The following SYT16 variants were observed in gnomAD, a reference collection of about 807,000 sequenced individuals.
SYT16 encodes synaptotagmin-16.
Under a neutral mutation model 61.4 loss-of-function variants are expected in SYT16, and 42 were observed. The ratio of observed to expected loss-of-function variants is 0.68; its 90% CI spans 0.53 to 0.89. SYT16 has a LOEUF of 0.89. Ranked by LOEUF, SYT16 falls within the 40% of genes least tolerant of loss-of-function variation. The pLI is 0.00. For missense variants in SYT16, 804 were observed against 807.3 expected (o/e 1.00, Z 0.05); for synonymous variants, 314 against 302.3 (o/e 1.04, Z -0.40).
intron 1 of SYT16, among the ~76,000 whole-genome samples, chr14:61,861,983 A>G (rs533186538): frequency 6.6e-6 from 1 of 152,356 alleles, no homozygotes; most frequent in East Asian, 1.9e-4. Context: ...TAGTGCTGAC[A>G]GACTTGCTTG....
At chr14:61,812,527 A>G, upstream of SYT16, among the ~76,000 whole-genome samples, 1 of 147,502 alleles carries the variant, frequency 6.8e-6, no homozygotes, top group East Asian at 2.0e-4. Flanking sequence ...CGGCGAGGCG[A>G]GGAGGGGGAG....
chr14:61,976,881 T>C (rs1350415744), intron 2 of SYT16, among the ~76,000 whole-genome samples: 1 of 152,206 alleles, frequency 6.6e-6, no homozygotes, highest in East Asian at 1.9e-4. Flanking sequence ...GTTTTTTTTT[T>C]TCTATTGCAT....
chr14:61,890,707 G>C (rs1368094836), intron 1 of SYT16, among the ~76,000 whole-genome samples: 4 of 152,148 alleles, frequency 2.6e-5, no homozygotes, highest in African/African-American at 7.2e-5. Flanking sequence ...GCGTATGTTA[G>C]TAAATACGTT....
chr14:62,061,757 CAAACT>C lies in SYT16; in HGVS notation c.524-7842_524-7838del, dbSNP rs2055836316. ...TCAAAATACATGGAGGAAGACGTAACAAACTAAAAGGGGAAATAAAATTTCAAAAT... is the reference window on the plus strand; with the variant it reads ...TCAAAATACATGGAGGAAGACGTAACAAAAGGGGAAATAAAATTTCAAAAT... On this transcript the variant is annotated intron_variant, in intron 3 of 7. Transcript: ENST00000683842. Among the ~76,000 whole-genome samples, 6 of 152,040 alleles carry C rather than the reference CAAACT, an allele frequency of 3.9e-5. No individual in the cohort carries two copies. In the South Asian group the frequency reaches 1.2e-3, roughly 32 times the overall value.
chr14:62,054,741 G>T (rs2055470896), intron 3 of SYT16, among the ~76,000 whole-genome samples: 1 of 152,254 alleles, frequency 6.6e-6, no homozygotes, highest in Non-Finnish European at 1.5e-5. Context: ...AGTCGATGCT[G>T]AAGGGAGTTT....
intron 1 of SYT16, among the ~76,000 whole-genome samples, chr14:61,823,574 CAAAA>C (rs55935256): frequency 4.2e-4 from 30 of 71,032 alleles, no homozygotes; most frequent in African/African-American, 1.5e-3. Context: ...ACTAAAAATA[CAAAA>C]AAAAAAAAAA....
intron 2 of SYT16, among the ~76,000 whole-genome samples, chr14:61,980,780 C>T (rs2052034696): frequency 1.3e-5 from 2 of 152,092 alleles, no homozygotes; most frequent in Non-Finnish European, 2.9e-5. Flanking sequence ...TTGTTATAAA[C>T]ATGGTAAGGG....
chr14:61,870,214 T>C (rs901248601), intron 1 of SYT16, among the ~76,000 whole-genome samples: 1 of 152,190 alleles, frequency 6.6e-6, no homozygotes, highest in African/African-American at 2.4e-5. Flanking sequence ...TTACTTTCAT[T>C]TTTGAAGGAT....
At chr14:62,065,803 T>C (rs186808021) in intron 3 of SYT16, among the ~76,000 whole-genome samples, 9 of 152,302 alleles carry the variant, frequency 5.9e-5, no homozygotes, top group Admixed American at 2.6e-4. Context: ...CTCTCCTATA[T>C]GCATTGGTCC....
chr14:62,023,835 C>CTGTTTATCTTATCTTTAACCTGTTT (rs2054001508), intron 3 of SYT16, among the ~76,000 whole-genome samples: 1 of 152,106 alleles, frequency 6.6e-6, no homozygotes, highest in Non-Finnish European at 1.5e-5. Flanking sequence ...ACCTTGCAAA[C>CTGTTTATCTTATCTTTAACCTGTTT]ATGTCCTGTT....
rs575838380 is a variant in SYT16, at chr14:61,934,047, A to G, written c.-324-36085A>G. Among the ~76,000 whole-genome samples, 45 of 152,216 alleles carry G rather than the reference A, an allele frequency of 3.0e-4. 1 individual carries two copies. In the South Asian group the frequency reaches 7.9e-3, roughly 27 times the overall value. On this transcript the variant is annotated intron_variant, in intron 1 of 7. Transcript: ENST00000683842. ...TGCACACATACATTCATGTATTACT[A>G]TTGTTTTTGTGGAAATAAAGATTTT...
chr14:61,871,538 G>A (rs924020214), intron 1 of SYT16, among the ~76,000 whole-genome samples: 3 of 152,302 alleles, frequency 2.0e-5, no homozygotes, highest in African/African-American at 7.2e-5. Flanking sequence ...GTGAGCTGGA[G>A]CACCCACAGG....
chr14:62,094,794 G>A (rs1039474511), intron 7 of SYT16, among the ~76,000 whole-genome samples: 1 of 151,992 alleles, frequency 6.6e-6, no homozygotes, highest in Non-Finnish European at 1.5e-5. Flanking sequence ...GGAGTATAAG[G>A]CATTACAGGA....
At position 62,049,431 on chromosome 14, in the gene SYT16, A is replaced by G. The variant is rs540124004; in HGVS notation, c.524-20172A>G. Among the ~76,000 whole-genome samples the G allele has an allele frequency of 8.5e-5, 13 of 152,214 alleles. No homozygotes were observed. In the East Asian group the frequency reaches 1.7e-3, roughly 20 times the overall value. On this transcript the variant is annotated intron_variant, in intron 3 of 7. Transcript: ENST00000683842. Reference sequence around the variant, plus strand: ...TTGATGGGTGTTGACTCTTTATCCAATTTGCCAGTCTGTGTCTTTTAATTG... The same window carrying G: ...TTGATGGGTGTTGACTCTTTATCCAGTTTGCCAGTCTGTGTCTTTTAATTG...
chr14:61,910,003 T>G (rs1377565606), intron 1 of SYT16, among the ~76,000 whole-genome samples: 1 of 152,198 alleles, frequency 6.6e-6, no homozygotes, highest in Non-Finnish European at 1.5e-5. Context: ...ACAATTTGAG[T>G]GAGTCCTCAG....
intron 5 of SYT16, among the ~76,000 whole-genome samples, chr14:62,075,620 GAA>G (rs66588591): frequency 0.2 from 18,777 of 91,786 alleles, 1,340 homozygotes; most frequent in Middle Eastern, 0.33. Context: ...AAAAAAAAAA[GAA>G]AAAAAGAAAA....
rs558900368 is a variant in SYT16 at position 61,945,436 on chromosome 14, A to G, written c.-324-24696A>G. Among the ~76,000 whole-genome samples, 18 of 152,324 alleles carry G rather than the reference A, an allele frequency of 1.2e-4. 1 individual carries two copies. Among genetic ancestry groups the G allele is most frequent in the South Asian group, 6.2e-4 (3 of 4,834 alleles). On this transcript the variant is annotated intron_variant, in intron 1 of 7. Transcript: ENST00000683842. The stretch of plus-strand genomic sequence containing the variant: ...TTGTACTATAAAGACACATGCATAC[A>G]TATGTTTATTGCAGCACTGTTCACA...
chr14:61,938,632 G>C (rs1314026661), intron 1 of SYT16, among the ~76,000 whole-genome samples: 1 of 152,128 alleles, frequency 6.6e-6, no homozygotes, highest in Non-Finnish European at 1.5e-5. Context: ...AGGATTTAAG[G>C]GGTATCCTTA....
intron 1 of SYT16, among the ~76,000 whole-genome samples, chr14:61,946,383 G>A (rs1405699150): frequency 6.6e-6 from 1 of 152,090 alleles, no homozygotes; most frequent in Admixed American, 6.5e-5. Flanking sequence ...TGGATAGAGT[G>A]GAATAATAGA....
Sources: allele counts gnomAD v4.1 joint callset (sites outside exome capture counted in the v4.1 genomes callset), GRCh38; gene constraint gnomAD v4.1.1; transcripts MANE v1.5; gene names NCBI Gene and HGNC (gene_info 2026-07-23, HGNC 2026-07-21).